NCAPD3: variants seen among roughly 807,000 people sequenced by gnomAD.
NCAPD3 encodes the protein non-SMC condensin II complex subunit D3.
In NCAPD3, 105 loss-of-function variants were observed where a neutral mutation model predicts 182.9. The observed-to-expected ratio is 0.57, with a 90% CI of 0.49 to 0.68. The LOEUF is 0.68. Among genes scored for constraint, NCAPD3 ranks in the 30% least tolerant of loss-of-function variants. The pLI is 0.00. For synonymous variants in NCAPD3, 815 were observed against 679.9 expected (o/e 1.20, Z -3.09); for missense variants, 1,944 against 1,837.0 (o/e 1.06, Z -1.07).
rs1943257157 is a variant in NCAPD3, at chr11:134,152,111, T to C, written c.*833A>G. The C allele has an allele frequency of 6.6e-6, 1 of 152,254 alleles. No individual in the cohort carries two copies. The highest frequency in any genetic ancestry group is 1.5e-5 in the Non-Finnish European group (1 of 68,042). 9.4% of individuals were successfully genotyped at this position (152,254 alleles called of 1,614,324 possible). A position where few individuals can be genotyped will look rare whatever the true frequency, so the allele number is the denominator to read the frequency against. On this transcript the variant is annotated 3_prime_UTR_variant, in exon 35 of 35. Transcript: ENST00000534548. Reference sequence around the variant, plus strand: ...ATTGTTGAACAAAAATAGCATTCAGTTTACCCACTAGTGCTAACAGAAGAG... The same window carrying C: ...ATTGTTGAACAAAAATAGCATTCAGCTTACCCACTAGTGCTAACAGAAGAG...
In NCAPD3 at chr11:134,209,064, A is replaced by G. The variant is rs1038436961; in HGVS notation, c.794+81T>C. 3 of 1,481,928 alleles carry G rather than the reference A, an allele frequency of 2.0e-6. No individual in the cohort carries two copies. The African/African-American group carries it at 4.2e-5, about 21-fold the overall frequency. The allele number at this position is 1,481,928 out of a possible 1,614,324, so 91.8% of individuals were successfully genotyped here. On this transcript the variant is annotated intron_variant, in intron 6 of 34. Transcript: ENST00000534548. The stretch of plus-strand genomic sequence containing the variant: ...ATTCTACCTGTGTGCCAATTGGGAT[A>G]AAATGGTATTTCCATTTCTGCTGGA...
chr11:134,178,982 G>C (rs757711343), intron 20 of NCAPD3, 46 bp from the exon 21 acceptor site: 8 of 1,287,078 alleles, frequency 6.2e-6, no homozygotes, highest in Non-Finnish European at 9.0e-6. Flanking sequence ...CAAAAGAAAA[G>C]TGAACTCTAG....
chr11:134,202,725 A>C, intron 13 of NCAPD3, 91 bp downstream of exon 13: 2 of 1,091,428 alleles, frequency 1.8e-6, no homozygotes, highest in South Asian at 3.4e-5. Context: ...AAATCAGAAA[A>C]AAAAAAAAAA....
chr11:134,191,334 C>G (rs1156417802), intron 16 of NCAPD3, among the ~76,000 whole-genome samples: 1 of 151,806 alleles, frequency 6.6e-6, no homozygotes, highest in African/African-American at 2.4e-5. Context: ...ATGTGCAGCA[C>G]GTGAGTTCTG....
At chr11:134,172,386 C>T (rs922520970) in intron 24 of NCAPD3, among the ~76,000 whole-genome samples, 16 of 152,214 alleles carry the variant, frequency 1.1e-4, no homozygotes, top group African/African-American at 3.6e-4. Context: ...GACTACCCTG[C>T]TGATCCTTCC....
chr11:134,168,312 G>T, intron 26 of NCAPD3, 117 bp from the exon 27 acceptor site: 1 of 1,456,696 alleles, frequency 6.9e-7, no homozygotes, highest in Non-Finnish European at 9.6e-7. Context: ...CTGCAAGGGT[G>T]TTTTGTCTGG....
At position 134,192,672 on chromosome 11, in the gene NCAPD3, T is replaced by A. The variant is rs1347809832; in HGVS notation, c.2045+17A>T. The A allele has an allele frequency of 6.2e-7, 1 of 1,601,344 alleles. No individual in the cohort carries two copies. Among genetic ancestry groups the A allele is most frequent in the South Asian group, 1.1e-5 (1 of 90,792 alleles). On this transcript the variant is annotated intron_variant, in intron 16 of 34. Transcript: ENST00000534548. ...GGCCTTCTTCTATAGGGAACACAGG[T>A]CATACAGTTAACCTACCTCAGTTCC...
chr11:134,209,317 A>G lies in NCAPD3; in HGVS notation c.728T>C (p.Ile243Thr), dbSNP rs190539135. 3 of 1,613,404 alleles carry G rather than the reference A, an allele frequency of 1.9e-6. No individual in the cohort carries two copies. The highest frequency in any genetic ancestry group is 2.2e-5 in the East Asian group (1 of 44,864). ...KEKPQCVQNCIEVFVSLTNFE... is the reference protein window; with the variant it reads ...KEKPQCVQNCTEVFVSLTNFE... ...GTTCCTGGAATTTTCACTTACCTCTATACAATTCTGTACACATTGTGGCTT... is the reference window on the plus strand; with the variant it reads ...GTTCCTGGAATTTTCACTTACCTCTGTACAATTCTGTACACATTGTGGCTT... The change falls in exon 5 of 35, where the codon ATA (isoleucine) becomes ACA (threonine). Residue 243 changes from isoleucine (I) to threonine (T), a missense_variant. By Grantham distance (89) the Ile-to-Thr change is moderately conservative (BLOSUM62 -1). Around this residue, in one of 3 missense-constraint regions of NCAPD3, gnomAD observed 1,803 missense variants for 1,674.6 expected, o/e 1.08. Transcript: ENST00000534548.
intron 32 of NCAPD3, among the ~76,000 whole-genome samples, chr11:134,154,451 CCT>C (rs1020214152): frequency 1.8e-4 from 28 of 151,702 alleles, no homozygotes; most frequent in African/African-American, 6.3e-4. Context: ...CTCAGCAGGC[CCT>C]GTCTGCACAT....
chr11:134,183,129 C>T (rs1254220987), intron 19 of NCAPD3: 3 of 456,296 alleles, frequency 6.6e-6, no homozygotes, highest in Non-Finnish European at 8.8e-6. Context: ...GCGCGCTGTA[C>T]ACATGATTCT....
In NCAPD3 at chr11:134,204,909, A is replaced by G. The variant is rs767294748; in HGVS notation, c.1079T>C (p.Ile360Thr). The change falls in exon 9 of 35, where the codon ATC (isoleucine) becomes ACC (threonine). Residue 360 changes from isoleucine to threonine, a missense_variant. Ile to Thr is a moderately conservative substitution (Grantham distance 89). Coordinates refer to ENST00000534548, the MANE Select transcript of NCAPD3 (RefSeq NM_015261.3). The surrounding 1 kb of genome is among the most constrained non-coding windows in gnomAD (Gnocchi z 4.3). ...FPVVRILLQH[I>T]CAKVVDKSEY... ...TAAGGCAAACAGTACCTTGGCACAG[A>G]TGTGCTGCAGTAAGATACGGACGAC... 1.2e-6 allele frequency: 2 copies of G among 1,611,952 alleles called. No individual in the cohort carries two copies. Among genetic ancestry groups the G allele is most frequent in the East Asian group, 2.2e-5 (1 of 44,868 alleles).
intron 20 of NCAPD3, among the ~76,000 whole-genome samples, 195 bp downstream of exon 20, chr11:134,180,882 C>A (rs2135980372): frequency 6.6e-6 from 1 of 152,050 alleles, no homozygotes; most frequent in East Asian, 1.9e-4. Flanking sequence ...AGTTTCCCCA[C>A]CGATAAAAAG....
intron 1 of NCAPD3, chr11:134,223,396 T>C (rs912777253): frequency 2.8e-6 from 2 of 702,208 alleles, no homozygotes; most frequent in Non-Finnish European, 5.2e-6. Context: ...GTTGGTGGCT[T>C]GGATGGTGCC....
chr11:134,167,338 G>C lies in NCAPD3; in HGVS notation c.3573+658C>G, dbSNP rs572544866. Among the ~76,000 whole-genome samples the C allele has an allele frequency of 4.8e-5, 2 of 41,612 alleles. 1 individual carries two copies. Among genetic ancestry groups the C allele is most frequent in the African/African-American group, 6.6e-4 (2 of 3,030 alleles). 27.3% of individuals were successfully genotyped at this position (41,612 alleles called of 152,430 possible). A position where few individuals can be genotyped will look rare whatever the true frequency, so the allele number is the denominator to read the frequency against. On this transcript the variant is annotated intron_variant, in intron 27 of 34. Transcript: ENST00000534548. ...CTTGTGAAATGAGCCTGGGGGAGGC[G>C]CACACTCGTGAGATGAGCTTGGGGG...
rs950414925 is a variant in NCAPD3, at chr11:134,181,083, G to C, written c.2553C>G (p.Asp851Glu). The C allele has an allele frequency of 4.3e-6, 7 of 1,612,118 alleles. No individual in the cohort carries two copies. The African/African-American group carries it at 9.3e-5, about 21-fold the overall frequency. ...KENGTGNMDE[D>E]LLVKYIFTLG... Reference sequence around the variant, plus strand: ...AGGAAAAGCAGTCGCTTACCAACAGGTCTTCGTCCATATTCCCTGTTCCAT... The same window carrying C: ...AGGAAAAGCAGTCGCTTACCAACAGCTCTTCGTCCATATTCCCTGTTCCAT... Residue 851 changes from aspartate to glutamate, a missense_variant, in exon 20 of 35, where the codon GAC becomes GAG. This residue lies in a region of NCAPD3 where 1,803 missense variants were observed against 1,674.6 expected (regional missense o/e 1.08). Coordinates refer to ENST00000534548, the MANE Select transcript of NCAPD3 (RefSeq NM_015261.3).
intron 3 of NCAPD3, among the ~76,000 whole-genome samples, chr11:134,215,023 G>A (rs1394936336): frequency 6.6e-6 from 1 of 152,042 alleles, no homozygotes; most frequent in African/African-American, 2.4e-5. Context: ...CATGACCAAG[G>A]TCATACAAAA....
In NCAPD3 at chr11:134,183,405, T is replaced by TA. The variant is rs568813594; in HGVS notation, c.2451+1231dup. Among the ~76,000 whole-genome samples, 631 of 152,154 alleles carry TA rather than the reference T, an allele frequency of 4.1e-3. 4 individuals are homozygous for TA. The highest frequency in any genetic ancestry group is 0.015 in the African/African-American group (604 of 41,492). On this transcript the variant is annotated intron_variant, in intron 19 of 34. Coordinates refer to ENST00000534548, the MANE Select transcript of NCAPD3 (RefSeq NM_015261.3). ...CAACATGGTGAAACCCTGTCTCTAC[T>TA]AAAAATACAAAAATTAGCTGGGCCT...
chr11:134,159,361 T>C (rs1698702889), intron 29 of NCAPD3, among the ~76,000 whole-genome samples: 1 of 152,242 alleles, frequency 6.6e-6, no homozygotes, highest in Non-Finnish European at 1.5e-5. Flanking sequence ...CCATAAGTAA[T>C]GTACTTTGAA....
chr11:134,195,172 C>T (rs141944162), intron 13 of NCAPD3, among the ~76,000 whole-genome samples: 2 of 152,326 alleles, frequency 1.3e-5, no homozygotes, highest in Admixed American at 6.5e-5. Flanking sequence ...ACAATCATAG[C>T]TCACCGCAAT....
Sources: gnomAD v4.1 joint callset for allele counts (sites outside exome capture counted in the v4.1 genomes callset) on GRCh38, gnomAD v4.1.1 for gene constraint, gnomAD v4.1.1 regional missense constraint, Gnocchi (gnomAD v3.1) non-coding constraint, MANE v1.5 for transcripts, NCBI Gene and HGNC (gene_info 2026-07-23, HGNC 2026-07-21) for gene names.